The following SSBP2 variants were observed in gnomAD, a reference collection of about 807,000 sequenced individuals.
The protein encoded by SSBP2 is single stranded DNA binding protein 2.
SSBP2 carries 17 observed loss-of-function variants against 61.8 expected under a neutral mutation model. The observed-to-expected ratio is 0.28, with a 90% CI of 0.19 to 0.41. The LOEUF is 0.41. Ranked by LOEUF, SSBP2 falls within the 10% of genes least tolerant of loss-of-function variation. The pLI is 1.00. For missense variants in SSBP2, 310 were observed against 458.7 expected, an observed-to-expected ratio of 0.68 and a Z score of 2.96; for synonymous variants, 139 against 141.3, an observed-to-expected ratio of 0.98 and a Z score of 0.12.
At chr5:81,658,311 G>T (rs1750401079) in intron 1 of SSBP2, among the ~76,000 whole-genome samples, 1 of 151,960 alleles carries the variant, frequency 6.6e-6, no homozygotes, top group Non-Finnish European at 1.5e-5. Flanking sequence ...CTTATCTGTG[G>T]GTTCCGTGTG....
chr5:81,708,696 T>C (rs1754566795), intron 1 of SSBP2, among the ~76,000 whole-genome samples: 1 of 152,068 alleles, frequency 6.6e-6, no homozygotes. Context: ...AAATGTACCC[T>C]TTCTTCTTTA....
intron 4 of SSBP2, among the ~76,000 whole-genome samples, chr5:81,596,048 G>A (rs949940471): frequency 6.6e-6 from 1 of 152,160 alleles, no homozygotes; most frequent in Non-Finnish European, 1.5e-5. Context: ...AAGTCAAATT[G>A]TCCCTGTTTG....
chr5:81,460,120 A>G (rs1388861798), intron 10 of SSBP2, among the ~76,000 whole-genome samples: 1 of 152,210 alleles, frequency 6.6e-6, no homozygotes, highest in Non-Finnish European at 1.5e-5. Context: ...TTCTTCCTAT[A>G]CCCTAACCTT....
intron 1 of SSBP2, among the ~76,000 whole-genome samples, chr5:81,706,050 C>CACTCATATTCAGTGCACTCATATGCA (rs1272530753): frequency 6.6e-6 from 1 of 152,166 alleles, no homozygotes; most frequent in Non-Finnish European, 1.5e-5. Flanking sequence ...CACTCATACG[C>CACTCATATTCAGTGCACTCATATGCA]TGATCACAGC....
At chr5:81,571,902 C>G (rs1001335188) in intron 4 of SSBP2, among the ~76,000 whole-genome samples, 2 of 152,054 alleles carry the variant, frequency 1.3e-5, no homozygotes, top group Non-Finnish European at 2.9e-5. Context: ...TTTAAATAAC[C>G]ATGGAAATCC....
At chr5:81,601,354 T>C (rs955784834) in intron 4 of SSBP2, among the ~76,000 whole-genome samples, 2 of 152,198 alleles carry the variant, frequency 1.3e-5, no homozygotes, top group African/African-American at 4.8e-5. Flanking sequence ...AGGAGGATCC[T>C]TGTGGTTCTA....
chr5:81,587,491 G>C (rs1775145880), intron 4 of SSBP2, among the ~76,000 whole-genome samples: 2 of 152,144 alleles, frequency 1.3e-5, no homozygotes, highest in Admixed American at 6.5e-5. Flanking sequence ...CAAAACTTTG[G>C]GAGGCCAAGG....
chr5:81,665,445 C>G (rs908128450), intron 1 of SSBP2, among the ~76,000 whole-genome samples: 3 of 152,156 alleles, frequency 2.0e-5, no homozygotes, highest in African/African-American at 7.2e-5. Context: ...AGAGAAGCCT[C>G]AGATATAGAC....
At chr5:81,683,602 T>C (rs1752560688) in intron 1 of SSBP2, among the ~76,000 whole-genome samples, 1 of 152,164 alleles carries the variant, frequency 6.6e-6, no homozygotes, top group Admixed American at 6.5e-5. Flanking sequence ...ACACAAAACA[T>C]TTTGTGATAG....
chr5:81,601,743 A>C (rs1744385444), intron 4 of SSBP2, among the ~76,000 whole-genome samples: 2 of 152,138 alleles, frequency 1.3e-5, no homozygotes, highest in South Asian at 4.2e-4. Flanking sequence ...GCATCTTCCT[A>C]ATTACAGCAT....
chr5:81,667,282 C>T (rs1171468133), intron 1 of SSBP2, among the ~76,000 whole-genome samples: 1 of 121,076 alleles, frequency 8.3e-6, no homozygotes, highest in East Asian at 2.5e-4. Context: ...AGAAGGGATA[C>T]AGATACACAC....
intron 1 of SSBP2, among the ~76,000 whole-genome samples, chr5:81,720,018 A>C (rs945600640): frequency 1.3e-5 from 2 of 152,150 alleles, no homozygotes; most frequent in African/African-American, 4.8e-5. Flanking sequence ...GTCATTTGCT[A>C]TCTCTGGGAA....
intron 4 of SSBP2, among the ~76,000 whole-genome samples, chr5:81,576,602 C>T (rs772938069): frequency 6.6e-6 from 1 of 152,106 alleles, no homozygotes; most frequent in Non-Finnish European, 1.5e-5. Flanking sequence ...TAGGTGGGTT[C>T]TACCACAAAC....
intron 4 of SSBP2, among the ~76,000 whole-genome samples, chr5:81,603,857 A>G (rs1744618289): frequency 6.6e-6 from 1 of 152,190 alleles, no homozygotes; most frequent in Admixed American, 6.5e-5. Flanking sequence ...AAATACAATG[A>G]GCATATACAA....
At chr5:81,435,958 C>T (rs1323979115) in intron 15 of SSBP2, among the ~76,000 whole-genome samples, 6 of 152,002 alleles carry the variant, frequency 3.9e-5, no homozygotes, top group African/African-American at 1.2e-4. Flanking sequence ...GAGGCCGAGA[C>T]GGGTAGATCA....
chr5:81,688,294 C>T (rs1344777400), intron 1 of SSBP2, among the ~76,000 whole-genome samples: 1 of 152,214 alleles, frequency 6.6e-6, no homozygotes, highest in African/African-American at 2.4e-5. Context: ...TTTCTGACTC[C>T]AGGCCCTGGC....
chr5:81,740,343 T>C (rs972884522), intron 1 of SSBP2, among the ~76,000 whole-genome samples: 7 of 151,280 alleles, frequency 4.6e-5, no homozygotes, highest in Admixed American at 3.3e-4. Context: ...AACACCTTAA[T>C]AGCTTCCCAG....
chr5:81,476,661 T>C (rs1765612840), intron 6 of SSBP2, among the ~76,000 whole-genome samples: 2 of 152,332 alleles, frequency 1.3e-5, no homozygotes, highest in South Asian at 4.1e-4. Flanking sequence ...TGCAGGTTTC[T>C]ACACAGTAAT....
intron 1 of SSBP2, among the ~76,000 whole-genome samples, chr5:81,704,274 T>C (rs1467463145): frequency 2.0e-5 from 3 of 152,158 alleles, no homozygotes; most frequent in African/African-American, 7.2e-5. Flanking sequence ...AAAACTCTAA[T>C]CTCACATATG....
Sources: gnomAD v4.1 joint callset for allele counts (sites outside exome capture counted in the v4.1 genomes callset) on GRCh38, gnomAD v4.1.1 for gene constraint, MANE v1.5 for transcripts, NCBI Gene and HGNC (gene_info 2026-07-23, HGNC 2026-07-21) for gene names.